Variants in CDH12 observed in about 807,000 individuals in gnomAD.
CDH12 encodes the protein cadherin 12.
CDH12 carries 41 observed loss-of-function variants against 74.1 expected under a neutral mutation model. The ratio of observed to expected loss-of-function variants is 0.55; its 90% CI spans 0.43 to 0.72. The LOEUF (loss-of-function observed/expected upper bound fraction) is 0.72, where lower values mean the gene tolerates loss of function less well. Among genes scored for constraint, CDH12 ranks in the 30% least tolerant of loss-of-function variants. CDH12 has a pLI of 0.00. For missense variants in CDH12, 945 were observed against 977.2 expected (o/e 0.97, Z 0.44); for synonymous variants, 399 against 355.0 (o/e 1.12, Z -1.39).
intron 5 of CDH12, among the ~76,000 whole-genome samples, chr5:21,978,699 T>G (rs1281236293): frequency 6.6e-6 from 1 of 152,176 alleles, no homozygotes; most frequent in East Asian, 1.9e-4. Context: ...AGTTGAATGA[T>G]CCAATGGGCA....
chr5:22,147,838 G>A (rs575565251), intron 4 of CDH12, among the ~76,000 whole-genome samples: 42 of 152,224 alleles, frequency 2.8e-4, no homozygotes, highest in African/African-American at 9.1e-4. Flanking sequence ...CCCACAAGAT[G>A]TGGAATTATG....
intron 6 of CDH12, among the ~76,000 whole-genome samples, chr5:21,950,928 A>G (rs1288344725): frequency 1.3e-5 from 2 of 150,980 alleles, no homozygotes; most frequent in Non-Finnish European, 3.0e-5. Context: ...CTGGTACTAC[A>G]GGTGCCCACC....
chr5:21,897,589 T>C (rs1753182382), intron 6 of CDH12, among the ~76,000 whole-genome samples: 4 of 152,204 alleles, frequency 2.6e-5, no homozygotes, highest in Admixed American at 2.0e-4. Context: ...TTTGATTGTA[T>C]TGAAGCCAGC....
At position 21,977,428 on chromosome 5, in the gene CDH12, A is replaced by G. The variant is rs1580057040; in HGVS notation, c.232-2043T>C. ...CTTTTGCTTTCAAATTTATCTAAAT[A>G]TATGAGACAGGCAAAAGCTCAATGC... On this transcript the variant is annotated intron_variant, in intron 5 of 14. Transcript: ENST00000382254. Among the ~76,000 whole-genome samples the G allele has an allele frequency of 3.3e-5, 5 of 152,286 alleles. No homozygotes were observed. In the Middle Eastern group the frequency reaches 0.017, roughly 518 times the overall value.
At chr5:21,916,714 G>A (rs7717440) in intron 6 of CDH12, among the ~76,000 whole-genome samples, 20,680 of 152,096 alleles carry the variant, frequency 0.14, 1,547 homozygotes, top group South Asian at 0.18. Flanking sequence ...GGCCAAGTTT[G>A]ACGGGAGCAT....
intron 9 of CDH12, among the ~76,000 whole-genome samples, chr5:21,813,388 G>A (rs1747858849): frequency 6.6e-6 from 1 of 152,132 alleles, no homozygotes; most frequent in South Asian, 2.1e-4. Context: ...GCTGAGGCAG[G>A]AGAATCGCTT....
intron 1 of CDH12, among the ~76,000 whole-genome samples, chr5:22,654,717 C>T (rs1580855633): frequency 1.3e-5 from 2 of 151,868 alleles, no homozygotes; most frequent in Non-Finnish European, 2.9e-5. Flanking sequence ...CTCACTGCAA[C>T]CCCTGCGTCC....
chr5:22,351,732 T>G (rs545971624), intron 3 of CDH12, among the ~76,000 whole-genome samples: 1 of 152,348 alleles, frequency 6.6e-6, no homozygotes, highest in African/African-American at 2.4e-5. Flanking sequence ...TATTTTTCAA[T>G]ATTTATCCTA....
intron 1 of CDH12, among the ~76,000 whole-genome samples, chr5:22,535,378 G>A (rs373440817): frequency 1.3e-5 from 2 of 151,748 alleles, no homozygotes; most frequent in East Asian, 1.9e-4. Flanking sequence ...GGATGGTCTC[G>A]ATCTCCTGAC....
intron 3 of CDH12, among the ~76,000 whole-genome samples, chr5:22,334,423 A>G (rs1313944556): frequency 2.0e-5 from 3 of 152,148 alleles, no homozygotes; most frequent in South Asian, 2.1e-4. Flanking sequence ...TACAATGTCC[A>G]TACTACCCAA....
intron 2 of CDH12, among the ~76,000 whole-genome samples, chr5:22,437,450 G>A (rs1191248237): frequency 6.6e-6 from 1 of 150,394 alleles, no homozygotes; most frequent in African/African-American, 2.4e-5. Flanking sequence ...TAGTCTTAGC[G>A]GCCACATTAC....
At chr5:22,280,187 G>C (rs2150406116) in intron 3 of CDH12, among the ~76,000 whole-genome samples, 1 of 152,260 alleles carries the variant, frequency 6.6e-6, no homozygotes, top group Admixed American at 6.5e-5. Context: ...TTTCAGAAGT[G>C]TCTATTCATA....
intron 1 of CDH12, among the ~76,000 whole-genome samples, chr5:22,696,164 C>G (rs1015742052): frequency 4.0e-5 from 6 of 151,810 alleles, no homozygotes; most frequent in East Asian, 1.9e-4. Flanking sequence ...GTCAGGAGAT[C>G]GAGACCATCC....
At chr5:22,383,353 C>G (rs190682061) in intron 3 of CDH12, among the ~76,000 whole-genome samples, 9 of 152,226 alleles carry the variant, frequency 5.9e-5, no homozygotes, top group Admixed American at 1.3e-4. Flanking sequence ...GATATACACA[C>G]AAAAATCCAA....
At chr5:22,105,974 G>T (rs1229347117) in intron 4 of CDH12, among the ~76,000 whole-genome samples, 3 of 152,126 alleles carry the variant, frequency 2.0e-5, no homozygotes. Flanking sequence ...CAGATGTATT[G>T]TGAATATTAT....
chr5:21,793,581 A>G (rs1746620974), intron 10 of CDH12, among the ~76,000 whole-genome samples: 1 of 151,668 alleles, frequency 6.6e-6, no homozygotes, highest in South Asian at 2.1e-4. Context: ...CACTGGATTT[A>G]TTTACTCTTA....
chr5:22,502,812 A>G (rs1736229237), intron 2 of CDH12, among the ~76,000 whole-genome samples: 1 of 152,118 alleles, frequency 6.6e-6, no homozygotes, highest in Non-Finnish European at 1.5e-5. Flanking sequence ...TTCATCATCT[A>G]AGCCTATTCT....
intron 4 of CDH12, among the ~76,000 whole-genome samples, chr5:22,092,143 T>G (rs1186232046): frequency 3.9e-5 from 6 of 152,050 alleles, no homozygotes; most frequent in Admixed American, 6.5e-5. Flanking sequence ...TCACTCAGGA[T>G]GGATCATAGA....
At chr5:22,338,344 C>A (rs954576490) in intron 3 of CDH12, among the ~76,000 whole-genome samples, 6 of 151,980 alleles carry the variant, frequency 3.9e-5, no homozygotes, top group Non-Finnish European at 7.4e-5. Context: ...ACTGCATGTA[C>A]TCACTTATTT....
Sources: gnomAD v4.1 joint callset for allele counts (sites outside exome capture counted in the v4.1 genomes callset) on GRCh38, gnomAD v4.1.1 for gene constraint, MANE v1.5 for transcripts, NCBI Gene and HGNC (gene_info 2026-07-23, HGNC 2026-07-21) for gene names.